The following POLR2F variants were observed in gnomAD, a reference collection of about 807,000 sequenced individuals.
The protein encoded by POLR2F is DNA-directed RNA polymerases I, II, and III subunit RPABC2.
POLR2F carries 12 observed loss-of-function variants against 22.7 expected under a neutral mutation model. The ratio of observed to expected loss-of-function variants is 0.53; its 90% CI spans 0.34 to 0.86. POLR2F has a LOEUF of 0.86. POLR2F is among the 40% of genes least tolerant of loss of function. POLR2F has a pLI of 0.02. For synonymous variants in POLR2F, 57 were observed against 66.0 expected (o/e 0.86, Z 0.66); for missense variants, 126 against 171.5 (o/e 0.73, Z 1.48).
At chr22:37,973,807 G>A (rs773695962), downstream of POLR2F, 1 of 1,596,650 alleles carries the variant, frequency 6.3e-7, no homozygotes. Flanking sequence ...GGGGCCCCTG[G>A]GGCCCCGCGG....
chr22:38,010,774 G>A (rs1474101921), intron 1 of POLR2F, among the ~76,000 whole-genome samples: 2 of 151,514 alleles, frequency 1.3e-5, no homozygotes, highest in East Asian at 1.9e-4. Context: ...ACCCCACCAC[G>A]ACCAGCTAAT....
intron 1 of POLR2F, among the ~76,000 whole-genome samples, chr22:38,013,153 T>G (rs2084886911): frequency 6.6e-6 from 1 of 151,936 alleles, no homozygotes; most frequent in South Asian, 2.1e-4. Flanking sequence ...TTCTTCTTTC[T>G]TTTTCTTTTT....
downstream of POLR2F, among the ~76,000 whole-genome samples, chr22:38,028,387 CCTGGATGG>C (rs2145828347): frequency 6.6e-6 from 1 of 152,252 alleles, no homozygotes; most frequent in South Asian, 2.1e-4. Context: ...GGTCAACACA[CCTGGATGG>C]CACATGGACA....
At chr22:37,981,789 C>G (rs1274561653), upstream of POLR2F, among the ~76,000 whole-genome samples, 1 of 152,236 alleles carries the variant, frequency 6.6e-6, no homozygotes, top group Non-Finnish European at 1.5e-5. Flanking sequence ...TAGCTGTGAC[C>G]TCTGCTCTTG....
chr22:37,978,025 TTC>T lies in POLR2F; in HGVS notation c.293+10857_293+10858del. ...CGCCTCGCCCTGGGCGGCCTTCCCG[TTC>T]TTCCGCCGCCTGGGCTGGTACTTGT... On this transcript the variant is annotated intron_variant, in intron 4 of 4. Transcript: ENST00000405557. The surrounding 1 kb of genome is among the most constrained non-coding windows in gnomAD (Gnocchi z 5.0). 6.2e-7 allele frequency: 1 copy of T among 1,611,676 alleles called. No individual in the cohort carries two copies. Among genetic ancestry groups the T allele is most frequent in the Middle Eastern group, 1.7e-4 (1 of 6,054 alleles).
chr22:38,021,704 G>C (rs956238034), intron 1 of POLR2F, among the ~76,000 whole-genome samples: 1 of 151,902 alleles, frequency 6.6e-6, no homozygotes, highest in African/African-American at 2.4e-5. Context: ...TGATCCTCAC[G>C]CCTCAGCCTC....
At chr22:37,979,344 C>G (rs545913200) in intron 4 of POLR2F, among the ~76,000 whole-genome samples, 1 of 151,552 alleles carries the variant, frequency 6.6e-6, no homozygotes, top group Non-Finnish European at 1.5e-5. Context: ...GTGATCCACC[C>G]GCCTTGGCCT....
At chr22:38,024,547 G>C (rs1273274187) in intron 1 of POLR2F, among the ~76,000 whole-genome samples, 1 of 152,136 alleles carries the variant, frequency 6.6e-6, no homozygotes. Context: ...ACAGATGTTT[G>C]TGGGGGCACA....
At position 37,975,568 on chromosome 22, in the gene POLR2F, A is replaced by G. The variant is rs560724405; in HGVS notation, c.293+8398A>G. ...CCTGGCATCCCAATGGAGACAGAAC[A>G]TGTCCATGGTCTTAAGAGACTAGGA... On this transcript the variant is annotated intron_variant, in intron 4 of 4. Coordinates refer to the POLR2F transcript ENST00000405557. Among the ~76,000 whole-genome samples, 7 of 152,278 alleles carry G rather than the reference A, an allele frequency of 4.6e-5. No homozygotes were observed. In the East Asian group the frequency reaches 1.4e-3, roughly 29 times the overall value.
intron 2 of POLR2F, among the ~76,000 whole-genome samples, chr22:37,957,455 C>G (rs559805976): frequency 6.6e-6 from 1 of 151,990 alleles, no homozygotes. Context: ...GTGACGAGGA[C>G]GACTCTCAGG....
chr22:38,038,552 C>A lies in POLR2F; in HGVS notation c.453-2516C>A, dbSNP rs370122088. On this transcript the variant is annotated intron_variant, in intron 5 of 5. Coordinates refer to the POLR2F transcript ENST00000407936. Reference sequence around the variant, plus strand: ...GCCCTCGCTCCTCCCCACCTTCCGCCGTGGCCTTGAGCCCCTTGCGCCCGC... The same window carrying A: ...GCCCTCGCTCCTCCCCACCTTCCGCAGTGGCCTTGAGCCCCTTGCGCCCGC... 2.6e-5 allele frequency among the ~76,000 whole-genome samples: 4 copies of A among 152,158 alleles called. No homozygotes were observed. In the South Asian group the frequency reaches 6.2e-4, roughly 24 times the overall value.
At chr22:37,982,781 G>T (rs966855932), upstream of POLR2F, among the ~76,000 whole-genome samples, 1 of 152,118 alleles carries the variant, frequency 6.6e-6, no homozygotes, top group Admixed American at 6.5e-5. Context: ...TCAAAGGAGG[G>T]TGGCGTCAGA....
intron 3 of POLR2F, 90 bp from the exon 4 acceptor site, chr22:37,967,009 G>A: frequency 1.6e-5 from 14 of 867,332 alleles, no homozygotes; most frequent in Non-Finnish European, 2.5e-5. Context: ...GTTTCTAGGT[G>A]GGGACCAGGA....
rs1215830132 is a variant in POLR2F, at chr22:37,986,606, C to A, written c.120+294C>A. On this transcript the variant is annotated intron_variant, in intron 1 of 2. Coordinates refer to the POLR2F transcript ENST00000333418. The surrounding 1 kb of genome is among the most constrained non-coding windows in gnomAD (Gnocchi z 4.7). ...CACGCTAGACAGAAGGGGCCACTCC[C>A]TCTCTCTCTCCCTTGTCCCCGCACA... The A allele has an allele frequency of 4.4e-6, 3 of 674,584 alleles. No individual in the cohort carries two copies. The highest frequency in any genetic ancestry group is 5.4e-6 in the Non-Finnish European group (2 of 370,898). 41.8% of individuals were successfully genotyped at this position (674,584 alleles called of 1,614,324 possible). A position where few individuals can be genotyped will look rare whatever the true frequency, so the allele number is the denominator to read the frequency against.
chr22:37,983,898 CCGCG>C (rs1932490220), upstream of POLR2F: 1 of 931,806 alleles, frequency 1.1e-6, no homozygotes, highest in Non-Finnish European at 1.4e-6. The surrounding 1 kb of genome is among the most constrained non-coding windows in gnomAD (Gnocchi z 9.5). Context: ...GATGGAGCGG[CCGCG>C]CGCGCAGCCC....
downstream of POLR2F, among the ~76,000 whole-genome samples, chr22:38,028,524 ATGTG>A (rs908422813): frequency 9.9e-5 from 15 of 151,412 alleles, no homozygotes; most frequent in Admixed American, 7.2e-4. Context: ...GTGTGTGTGC[ATGTG>A]TGTGTGCGCA....
chr22:38,033,871 G>T (rs1399631277), intron 5 of POLR2F, among the ~76,000 whole-genome samples: 2 of 152,140 alleles, frequency 1.3e-5, no homozygotes, highest in African/African-American at 2.4e-5. Flanking sequence ...GTGTGACGTG[G>T]ACGAGGGCAC....
At chr22:38,001,475 G>A (rs562429179) in intron 1 of POLR2F, among the ~76,000 whole-genome samples, 5 of 152,316 alleles carry the variant, frequency 3.3e-5, no homozygotes, top group African/African-American at 7.2e-5. Flanking sequence ...CACAGAGAGC[G>A]ATGAGCACTG....
intron 1 of POLR2F, among the ~76,000 whole-genome samples, chr22:37,996,535 G>A (rs1188593512): frequency 6.6e-6 from 1 of 152,196 alleles, no homozygotes; most frequent in East Asian, 1.9e-4. Flanking sequence ...GCTTGGCTGG[G>A]GCCTTGAGGC....
Sources: gnomAD v4.1 joint callset for allele counts (sites outside exome capture counted in the v4.1 genomes callset) on GRCh38, gnomAD v4.1.1 for gene constraint, Gnocchi (gnomAD v3.1) non-coding constraint, MANE v1.5 for transcripts, NCBI Gene and HGNC (gene_info 2026-07-23, HGNC 2026-07-21) for gene names.